HSDL2: variants seen among roughly 807,000 people sequenced by gnomAD.
HSDL2 encodes the protein hydroxysteroid dehydrogenase-like protein 2.
Under a neutral mutation model 46.3 loss-of-function variants are expected in HSDL2, and 27 were observed. That is an observed-to-expected ratio of 0.58 (90% CI 0.43 to 0.80). The LOEUF is 0.80. Among genes scored for constraint, HSDL2 ranks in the 30% least tolerant of loss-of-function variants. HSDL2 has a pLI of 0.00. For missense variants in HSDL2, 451 were observed against 502.7 expected, an observed-to-expected ratio of 0.90 and a Z score of 0.98; for synonymous variants, 153 against 163.6, an observed-to-expected ratio of 0.94 and a Z score of 0.50.
In HSDL2 at chr9:112,437,108, C is replaced by T. The variant is rs574699272; in HGVS notation, c.599-1323C>T. Among the ~76,000 whole-genome samples the T allele has an allele frequency of 2.6e-3, 396 of 151,760 alleles. 5 individuals are homozygous for T. The highest frequency in any genetic ancestry group is 0.014 in the Middle Eastern group (4 of 292). On this transcript the variant is annotated intron_variant, in intron 6 of 10. Transcript: ENST00000398805. ...CCAAGTAGCTGGGACTACAGGCGCT[C>T]GCCACCATGCTTGGCTAATTTTTGT...
intron 9 of HSDL2, among the ~76,000 whole-genome samples, chr9:112,455,285 A>C (rs1832991065): frequency 7.0e-6 from 1 of 142,340 alleles, no homozygotes; most frequent in Non-Finnish European, 1.5e-5. Context: ...CGTGTTAAAA[A>C]AAAAAAGGCT....
At chr9:112,462,063 C>G (rs750237238) in intron 10 of HSDL2, among the ~76,000 whole-genome samples, 10 of 152,198 alleles carry the variant, frequency 6.6e-5, no homozygotes, top group Non-Finnish European at 1.3e-4. Context: ...TTTATCCCAT[C>G]TGCTTTCCTT....
chr9:112,402,404 A>G (rs1831622990), intron 1 of HSDL2, among the ~76,000 whole-genome samples: 1 of 152,114 alleles, frequency 6.6e-6, no homozygotes, highest in South Asian at 2.1e-4. Context: ...AAACAATTTT[A>G]AAAAGTAACT....
At chr9:112,422,466 T>A (rs1832147010) in intron 6 of HSDL2, among the ~76,000 whole-genome samples, 2 of 152,228 alleles carry the variant, frequency 1.3e-5, no homozygotes, top group African/African-American at 4.8e-5. Context: ...ATTGTGTTTT[T>A]AAAATATACA....
chr9:112,401,777 G>C (rs10817334), intron 1 of HSDL2, among the ~76,000 whole-genome samples: 65,934 of 151,890 alleles, frequency 0.43, 14,608 homozygotes, highest in South Asian at 0.5. Context: ...CTGGGGTATT[G>C]GTAATATTCT....
chr9:112,450,980 C>T (rs549249730), intron 8 of HSDL2, among the ~76,000 whole-genome samples: 2 of 151,898 alleles, frequency 1.3e-5, no homozygotes. Flanking sequence ...GCGGGTGGAT[C>T]GTTTGAGTCT....
intron 1 of HSDL2, among the ~76,000 whole-genome samples, chr9:112,402,694 G>A (rs376605139): frequency 4.4e-4 from 67 of 152,224 alleles, no homozygotes; most frequent in African/African-American, 1.3e-3. Context: ...AGGCCAAGGC[G>A]GGTGGATCAC....
chr9:112,402,232 T>C (rs1831618002), intron 1 of HSDL2, among the ~76,000 whole-genome samples: 1 of 152,096 alleles, frequency 6.6e-6, no homozygotes, highest in Non-Finnish European at 1.5e-5. Context: ...CTTTTATGAG[T>C]TTACTAGGAA....
chr9:112,397,335 A>G (rs1831479299), intron 1 of HSDL2, among the ~76,000 whole-genome samples: 1 of 152,218 alleles, frequency 6.6e-6, no homozygotes, highest in African/African-American at 2.4e-5. Context: ...ATTGGATGGC[A>G]TGCATGGCCA....
chr9:112,438,315 A>C, intron 6 of HSDL2, 116 bp from the exon 7 acceptor site: 1 of 725,906 alleles, frequency 1.4e-6, no homozygotes, highest in Non-Finnish European at 2.0e-6. Context: ...TCATCAGCTA[A>C]GAAATGAAAG....
chr9:112,389,561 A>T (rs1316080977), intron 1 of HSDL2, among the ~76,000 whole-genome samples: 3 of 152,358 alleles, frequency 2.0e-5, no homozygotes. Flanking sequence ...AATAAAGCCA[A>T]CAAAAGATGT....
intron 6 of HSDL2, among the ~76,000 whole-genome samples, chr9:112,427,532 C>T (rs574644676): frequency 7.4e-4 from 113 of 152,204 alleles, no homozygotes; most frequent in Non-Finnish European, 1.3e-3. Context: ...TCAAGTGTCT[C>T]ATAAATGTTT....
Position 112,401,925 on chromosome 9 carries a change from C to G in HSDL2, c.18-2070C>G, listed in dbSNP as rs1199998585. The stretch of plus-strand genomic sequence containing the variant: ...TCTGACTTCTCCCCACTTCTCCACT[C>G]TCCCTCCTTCTTACCAAACAAATTA... On this transcript the variant is annotated intron_variant, in intron 1 of 10. Transcript: ENST00000398805. Among the ~76,000 whole-genome samples, 8 of 152,226 alleles carry G rather than the reference C, an allele frequency of 5.3e-5. 1 individual carries two copies. The East Asian group carries it at 1.5e-3, about 29-fold the overall frequency.
intron 8 of HSDL2, among the ~76,000 whole-genome samples, chr9:112,450,950 C>A (rs1226338929): frequency 1.3e-5 from 2 of 152,050 alleles, no homozygotes; most frequent in Admixed American, 6.6e-5. Context: ...TGTCTGTAAT[C>A]CCAATCATGG....
intron 1 of HSDL2, among the ~76,000 whole-genome samples, chr9:112,398,055 GTA>G (rs1324153291): frequency 6.6e-6 from 1 of 152,168 alleles, no homozygotes; most frequent in African/African-American, 2.4e-5. Flanking sequence ...GACAGGAAAA[GTA>G]TGTGTAGATA....
intron 8 of HSDL2, among the ~76,000 whole-genome samples, chr9:112,452,268 C>CTA (rs1832904502): frequency 6.6e-6 from 1 of 152,156 alleles, no homozygotes; most frequent in Non-Finnish European, 1.5e-5. Flanking sequence ...AATTAGATTT[C>CTA]ATGTAATAAC....
chr9:112,413,291 G>A (rs1831918439), intron 4 of HSDL2, among the ~76,000 whole-genome samples: 1 of 151,652 alleles, frequency 6.6e-6, no homozygotes. Context: ...CCAGCCCGAC[G>A]AACATGGAGA....
At chr9:112,441,651 A>T in intron 7 of HSDL2, 48 bp from the exon 8 acceptor site, 3 of 1,202,228 alleles carry the variant, frequency 2.5e-6, no homozygotes, top group Non-Finnish European at 3.7e-6. Context: ...TTAAAATCTT[A>T]CTATGTTGTA....
At chr9:112,429,281 T>C (rs1489337832) in intron 6 of HSDL2, among the ~76,000 whole-genome samples, 1 of 152,248 alleles carries the variant, frequency 6.6e-6, no homozygotes, top group African/African-American at 2.4e-5. Flanking sequence ...TCAGTTGTTA[T>C]GCATTTGACA....
Sources: gnomAD v4.1 joint callset for allele counts (sites outside exome capture counted in the v4.1 genomes callset) on GRCh38, gnomAD v4.1.1 for gene constraint, MANE v1.5 for transcripts, NCBI Gene and HGNC (gene_info 2026-07-23, HGNC 2026-07-21) for gene names.